FTO: variants seen among roughly 807,000 people sequenced by gnomAD.
FTO encodes the protein FTO alpha-ketoglutarate dependent dioxygenase.
FTO carries 47 observed loss-of-function variants against 63.9 expected under a neutral mutation model. The ratio of observed to expected loss-of-function variants is 0.74; its 90% CI spans 0.58 to 0.94. The LOEUF is 0.94. Among genes scored for constraint, FTO ranks in the 40% least tolerant of loss-of-function variants. The pLI, the probability that FTO is intolerant of heterozygous loss-of-function variation, is 0.00. For synonymous variants in FTO, 207 were observed against 224.4 expected, an observed-to-expected ratio of 0.92 and a Z score of 0.69; for missense variants, 562 against 618.1, an observed-to-expected ratio of 0.91 and a Z score of 0.96.
At chr16:54,090,315 G>T (rs1465297069) in intron 8 of FTO, among the ~76,000 whole-genome samples, 1 of 152,176 alleles carries the variant, frequency 6.6e-6, no homozygotes, top group Non-Finnish European at 1.5e-5. Context: ...AACTTACATA[G>T]AATATCTAGA....
chr16:53,770,129 T>C (rs1049386236), intron 1 of FTO, among the ~76,000 whole-genome samples: 3 of 152,122 alleles, frequency 2.0e-5, no homozygotes, highest in Non-Finnish European at 4.4e-5. Context: ...ACTCCAGACA[T>C]AAAATTGCAG....
At chr16:54,019,711 T>C (rs2144137278) in intron 8 of FTO, among the ~76,000 whole-genome samples, 1 of 152,278 alleles carries the variant, frequency 6.6e-6, no homozygotes, top group Middle Eastern at 3.4e-3. Flanking sequence ...TTCTGTTTGG[T>C]GGAGATTTGA....
At chr16:53,736,219 C>T (rs1028053626) in intron 1 of FTO, among the ~76,000 whole-genome samples, 1 of 152,182 alleles carries the variant, frequency 6.6e-6, no homozygotes, top group African/African-American at 2.4e-5. Context: ...AACCCTGTAT[C>T]GTACCGAGGT....
intron 1 of FTO, among the ~76,000 whole-genome samples, chr16:53,777,570 T>C (rs1485600312): frequency 1.3e-5 from 2 of 152,184 alleles, no homozygotes; most frequent in Non-Finnish European, 2.9e-5. Context: ...TACGTTTTGA[T>C]CATTTGGAAA....
At chr16:53,738,145 T>C (rs1483929651) in intron 1 of FTO, among the ~76,000 whole-genome samples, 1 of 151,502 alleles carries the variant, frequency 6.6e-6, no homozygotes, top group Non-Finnish European at 1.5e-5. Flanking sequence ...GCCTCAGCCT[T>C]CCGGGTAGCT....
chr16:53,941,417 T>G (rs2082526195), intron 8 of FTO, among the ~76,000 whole-genome samples: 1 of 152,248 alleles, frequency 6.6e-6, no homozygotes, highest in African/African-American at 2.4e-5. Context: ...GAACTTATAT[T>G]TTGATAGAAG....
At chr16:53,724,343 G>C (rs1016279371) in intron 1 of FTO, among the ~76,000 whole-genome samples, 1 of 152,206 alleles carries the variant, frequency 6.6e-6, no homozygotes, top group African/African-American at 2.4e-5. Flanking sequence ...ATAGTGATCA[G>C]AGCTTAAAGG....
rs145135038 is a variant in FTO at position 53,987,732 on chromosome 16, G to A, written c.1364+53623G>A. ...TAGTGGAAAGAGTCAAGAAGCAGCCGAGATTCTAACCTAGCTCTGCTTTAT... is the reference window on the plus strand; with the variant it reads ...TAGTGGAAAGAGTCAAGAAGCAGCCAAGATTCTAACCTAGCTCTGCTTTAT... On this transcript the variant is annotated intron_variant, in intron 8 of 8. Transcript: ENST00000471389. Among the ~76,000 whole-genome samples the A allele has an allele frequency of 9.2e-3, 1,402 of 152,104 alleles. 28 individuals carry two copies. Among genetic ancestry groups the A allele is most frequent in the African/African-American group, 0.032 (1,316 of 41,502 alleles).
intron 8 of FTO, among the ~76,000 whole-genome samples, chr16:54,046,319 G>A (rs1480624237): frequency 5.6e-5 from 4 of 71,692 alleles, no homozygotes; most frequent in African/African-American, 2.6e-4. Context: ...ACCAACAACC[G>A]ACAAACAGAG....
chr16:53,709,607 C>T (rs1342499199), intron 1 of FTO, among the ~76,000 whole-genome samples: 2 of 152,040 alleles, frequency 1.3e-5, no homozygotes, highest in African/African-American at 4.8e-5. Flanking sequence ...GGGGCTGGCC[C>T]TATGCATTTT....
At chr16:54,017,066 T>C (rs1315107590) in intron 8 of FTO, among the ~76,000 whole-genome samples, 2 of 152,164 alleles carry the variant, frequency 1.3e-5, no homozygotes, top group Non-Finnish European at 2.9e-5. Flanking sequence ...ATGCAGTAAA[T>C]CATGAGTGTA....
chr16:54,103,518 C>T (rs1271031595), intron 8 of FTO, among the ~76,000 whole-genome samples: 3 of 152,186 alleles, frequency 2.0e-5, no homozygotes, highest in Non-Finnish European at 4.4e-5. Context: ...ACGTGGGGAA[C>T]AGAGGCAAGA....
At chr16:53,966,158 A>T (rs1243987991) in intron 8 of FTO, among the ~76,000 whole-genome samples, 2 of 152,168 alleles carry the variant, frequency 1.3e-5, no homozygotes, top group Non-Finnish European at 2.9e-5. Context: ...GTGAGCCACC[A>T]TGGCAGCTGT....
intron 1 of FTO, among the ~76,000 whole-genome samples, chr16:53,794,321 T>C (rs1178400321): frequency 6.6e-6 from 1 of 152,124 alleles, no homozygotes; most frequent in African/African-American, 2.4e-5. Context: ...GCAGATATAA[T>C]GCATTAAAAG....
At chr16:54,080,051 A>T (rs1312640388) in intron 8 of FTO, among the ~76,000 whole-genome samples, 1 of 152,140 alleles carries the variant, frequency 6.6e-6, no homozygotes, top group Non-Finnish European at 1.5e-5. Context: ...CATACCAGTC[A>T]TAAGATAGTT....
chr16:53,979,566 TGC>T (rs1375485275), intron 8 of FTO: 27 of 331,506 alleles, frequency 8.1e-5, no homozygotes, highest in Non-Finnish European at 9.2e-5. Context: ...TGTGTGTGTG[TGC>T]GCGCGTGTGT....
intron 4 of FTO, among the ~76,000 whole-genome samples, chr16:53,844,628 AT>A (rs61208362): frequency 0.37 from 55,961 of 151,450 alleles, 10,431 homozygotes; most frequent in South Asian, 0.45. Flanking sequence ...CCCAGTTAAT[AT>A]TTTGTATTTT....
intron 3 of FTO, 124 bp downstream of exon 3, chr16:53,826,615 A>ACG: frequency 1.1e-6 from 1 of 879,802 alleles, no homozygotes; most frequent in Non-Finnish European, 1.9e-6. Context: ...GTGTACATGC[A>ACG]CATGCGTGTG....
chr16:53,769,975 G>T (rs934653615), intron 1 of FTO, among the ~76,000 whole-genome samples: 4 of 152,096 alleles, frequency 2.6e-5, no homozygotes, highest in Non-Finnish European at 5.9e-5. Context: ...AGACCTGGAA[G>T]TGGCACTCAT....
Sources: allele counts gnomAD v4.1 joint callset (sites outside exome capture counted in the v4.1 genomes callset), GRCh38; gene constraint gnomAD v4.1.1; transcripts MANE v1.5; gene names NCBI Gene and HGNC (gene_info 2026-07-23, HGNC 2026-07-21).